Variants in PGA4 observed in about 807,000 individuals in gnomAD.
The protein encoded by PGA4 is pepsin A-4.
For missense variants in PGA4, 7 were observed against 20.3 expected, an observed-to-expected ratio of 0.35 and a Z score of 1.26; for synonymous variants, 4 against 8.7, an observed-to-expected ratio of 0.46 and a Z score of 0.95.
intron 8 of PGA4, chr11:61,230,554 T>C: frequency 2.8e-6 from 1 of 352,006 alleles, no homozygotes; most frequent in South Asian, 2.6e-5. Context: ...TACTAGCCCA[T>C]TGATTCTGAG....
Position 61,229,954 on chromosome 11 carries a change from A to T in PGA4, c.809A>T (p.Glu270Val). The T allele has an allele frequency of 1.8e-5, 2 of 113,522 alleles. No individual in the cohort carries two copies. The highest frequency in any genetic ancestry group is 2.7e-5 in the Non-Finnish European group (2 of 74,166). The allele number at this position is 113,522 out of a possible 1,614,324, so 7.0% of individuals were successfully genotyped here. Residue 270 changes from glutamate to valine, a missense_variant, in exon 7 of 9, where the codon GAG becomes GTG. By Grantham distance (121) the Glu-to-Val change is moderately radical. Transcript: ENST00000378149. The stretch of plus-strand genomic sequence containing the variant: ...AACGGAGAGGCCATCGCCTGCGCTG[A>T]GGGCTGCCAGGCCATTGTTGACACC... ...TMNGEAIACA[E>V]GCQAIVDTGT...
At chr11:61,230,558 T>A in intron 8 of PGA4, 8 of 354,622 alleles carry the variant, frequency 2.3e-5, no homozygotes, top group South Asian at 1.6e-4. Context: ...AGCCCATTGA[T>A]TCTGAGCAAG....
chr11:61,230,344 CA>C (rs1422854164), intron 8 of PGA4, 80 bp downstream of exon 8: 1 of 546,042 alleles, frequency 1.8e-6, no homozygotes, highest in African/African-American at 3.8e-5. Context: ...ACGGAAAGTA[CA>C]CTTCCACGAG....
At chr11:61,229,749 G>A in intron 6 of PGA4, 170 bp from the exon 7 acceptor site, 2 of 5,128 alleles carry the variant, frequency 3.9e-4, no homozygotes, top group African/African-American at 0.014. Flanking sequence ...GGAAATATTT[G>A]TTGGGCAAAT....
chr11:61,230,202 G>A lies in PGA4; in HGVS notation c.955G>A (p.Asp319Asn), dbSNP rs1166840697. 14 of 397,594 alleles carry A rather than the reference G, an allele frequency of 3.5e-5. 1 individual carries two copies. Among genetic ancestry groups the A allele is most frequent in the Non-Finnish European group, 5.6e-5 (14 of 249,292 alleles). 24.6% of individuals were successfully genotyped at this position (397,594 alleles called of 1,614,324 possible). A position where few individuals can be genotyped will look rare whatever the true frequency, so the allele number is the denominator to read the frequency against. The change falls in exon 8 of 9, where the codon GAC becomes AAC. Residue 319 changes from aspartate (D) to asparagine (N), a missense_variant. Physicochemically the swap from Asp to Asn is conservative, Grantham distance 23. Transcript: ENST00000378149. ...VSCSAISSLP[D>N]IVFTINGVQY... ...CTGCTCAGCCATCAGCAGCCTGCCC[G>A]ACATCGTCTTCACCATCAATGGAGT...
At chr11:61,230,553 A>G in intron 8 of PGA4, 4 of 351,326 alleles carry the variant, frequency 1.1e-5, no homozygotes, top group South Asian at 2.6e-5. Context: ...TTACTAGCCC[A>G]TTGATTCTGA....
intron 1 of PGA4, 65 bp downstream of exon 1, chr11:61,222,521 C>A: frequency 4.8e-3 from 1 of 210 alleles, no homozygotes; most frequent in Admixed American, 0.018. Context: ...CCTCCCGTGT[C>A]TTCCTTCTTC....
intron 8 of PGA4, chr11:61,230,991 TAGTG>T (rs1854007457): frequency 6.2e-6 from 1 of 162,376 alleles, no homozygotes; most frequent in Non-Finnish European, 1.2e-5. Flanking sequence ...CCCAGTGACT[TAGTG>T]AGGCAAGAGG....
intron 8 of PGA4, chr11:61,230,889 T>A: frequency 1.1e-5 from 2 of 181,046 alleles, no homozygotes; most frequent in South Asian, 6.0e-5. Context: ...CCCCACTGAT[T>A]CTGATTACAT....
In PGA4 at chr11:61,229,928, G is replaced by A. The variant is rs1251189495; in HGVS notation, c.783G>A (p.Met261Ile). Residue 261 changes from methionine to isoleucine, a missense_variant, in exon 7 of 9, where the codon ATG becomes ATA. Physicochemically the swap from Met to Ile is conservative, Grantham distance 10 (BLOSUM62 1). Coordinates refer to ENST00000378149, the MANE Select transcript of PGA4 (RefSeq NM_001079808.6). ...YWQITVDSIT[M>I]NGEAIACAEG... ...TGCTTCTTGCCCTCAGCATCACCAT[G>A]AACGGAGAGGCCATCGCCTGCGCTG... 3 of 74,852 alleles carry A rather than the reference G, an allele frequency of 4.0e-5. No homozygotes were observed. Among genetic ancestry groups the A allele is most frequent in the African/African-American group, 4.1e-4 (1 of 2,460 alleles). The allele number at this position is 74,852 out of a possible 1,614,324, so 4.6% of individuals were successfully genotyped here. A position where few individuals can be genotyped will look rare whatever the true frequency, so the allele number is the denominator to read the frequency against.
At position 61,230,204 on chromosome 11, in the gene PGA4, C is replaced by T; in HGVS notation, c.957C>T (p.Asp319=). Residue 319 remains aspartate (D), a synonymous_variant, in exon 8 of 9, where the codon GAC becomes GAT. Transcript: ENST00000378149. ...GCTCAGCCATCAGCAGCCTGCCCGA[C>T]ATCGTCTTCACCATCAATGGAGTCC... is the stretch of plus-strand genomic sequence containing the variant. ...VSCSAISSLP[D]IVFTINGVQY... The T allele has an allele frequency of 2.5e-6, 1 of 400,958 alleles. No individual in the cohort carries two copies. Among genetic ancestry groups the T allele is most frequent in the Non-Finnish European group, 4.0e-6 (1 of 250,836 alleles). The allele number at this position is 400,958 out of a possible 1,614,324, so 24.8% of individuals were successfully genotyped here.
In PGA4 at chr11:61,230,596, T is replaced by C. The variant is rs370061095; in HGVS notation, c.1017+332T>C. 15 of 311,400 alleles carry C rather than the reference T, an allele frequency of 4.8e-5. 1 individual carries two copies. Among genetic ancestry groups the C allele is most frequent in the Admixed American group, 1.7e-4 (4 of 23,238 alleles). The allele number at this position is 311,400 out of a possible 1,614,324, so 19.3% of individuals were successfully genotyped here. A position where few individuals can be genotyped will look rare whatever the true frequency, so the allele number is the denominator to read the frequency against. On this transcript the variant is annotated intron_variant, in intron 8 of 8. Coordinates refer to ENST00000378149, the MANE Select transcript of PGA4 (RefSeq NM_001079808.6). ...ACAGCTCATCTCACCCTCAGTTTTC[T>C]CATCCAAAAAGTAGAGATGGCAGCT...
At chr11:61,230,868 T>A in intron 8 of PGA4, 1 of 173,324 alleles carries the variant, frequency 5.8e-6, no homozygotes, top group Non-Finnish European at 1.1e-5. Flanking sequence ...GAAGCACTGA[T>A]GCCTGGGCTC....
chr11:61,230,488 A>C, intron 8 of PGA4: 1 of 303,202 alleles, frequency 3.3e-6, no homozygotes, highest in South Asian at 3.0e-5. Context: ...GCAAAGGTTA[A>C]TGGAGTGAAA....
rs75440206 is a variant in PGA4 at position 61,230,564 on chromosome 11, G to A, written c.1017+300G>A. 1.6e-3 allele frequency: 569 copies of A among 348,482 alleles called. 44 individuals carry two copies. The highest frequency in any genetic ancestry group is 4.1e-3 in the Middle Eastern group (4 of 978). The allele number at this position is 348,482 out of a possible 1,614,324, so 21.6% of individuals were successfully genotyped here. On this transcript the variant is annotated intron_variant, in intron 8 of 8. Coordinates refer to ENST00000378149, the MANE Select transcript of PGA4 (RefSeq NM_001079808.6). ...TGAATTACTAGCCCATTGATTCTGA[G>A]CAAGCTACAGCTCATCTCACCCTCA...
At chr11:61,229,766 G>A in intron 6 of PGA4, 153 bp from the exon 7 acceptor site, 1 of 5,838 alleles carries the variant, frequency 1.7e-4, no homozygotes, top group Non-Finnish European at 3.4e-4. Flanking sequence ...AAATGAATGC[G>A]GGACGAATGA....
rs1448901639 is a variant in PGA4 at position 61,230,201 on chromosome 11, C to T, written c.954C>T (p.Pro318=). Residue 318 remains proline (P), a synonymous_variant, in exon 8 of 9, where the codon CCC becomes CCT. Transcript: ENST00000378149. ...GCTGCTCAGCCATCAGCAGCCTGCC[C>T]GACATCGTCTTCACCATCAATGGAG... ...VVSCSAISSL[P]DIVFTINGVQ... The T allele has an allele frequency of 3.0e-5, 12 of 398,718 alleles. 1 individual carries two copies. Among genetic ancestry groups the T allele is most frequent in the South Asian group, 1.6e-4 (6 of 36,586 alleles). 24.7% of individuals were successfully genotyped at this position (398,718 alleles called of 1,614,324 possible).
At chr11:61,230,760 TC>T (rs1854005671) in intron 8 of PGA4, 1 of 221,698 alleles carries the variant, frequency 4.5e-6, no homozygotes, top group East Asian at 8.5e-5. Context: ...AAGTAGCAAA[TC>T]TTTAGCTATA....
At chr11:61,230,096 T>C in intron 7 of PGA4, 33 bp downstream of exon 7, 2 of 251,924 alleles carry the variant, frequency 7.9e-6, no homozygotes, top group Non-Finnish European at 1.3e-5. Context: ...TGTTCTACAC[T>C]CAAGTAGTGG....
Sources: gnomAD v4.1 joint callset for allele counts on GRCh38, gnomAD v4.1.1 for gene constraint, MANE v1.5 for transcripts, NCBI Gene and HGNC (gene_info 2026-07-23, HGNC 2026-07-21) for gene names.